SORCS2: variants seen among roughly 807,000 people sequenced by gnomAD.
SORCS2 encodes sortilin related VPS10 domain containing receptor 2.
In SORCS2, 100 loss-of-function variants were observed where a neutral mutation model predicts 141.6. The ratio of observed to expected loss-of-function variants is 0.71; its 90% CI spans 0.60 to 0.83. SORCS2 has a LOEUF of 0.83. Ranked by LOEUF, SORCS2 falls within the 40% of genes least tolerant of loss-of-function variation. The probability of loss-of-function intolerance (pLI) is 0.00; values close to 1 mark genes in which losing one functional copy is unlikely to be tolerated. For synonymous variants in SORCS2, 789 were observed against 676.9 expected, an observed-to-expected ratio of 1.17 and a Z score of -2.57; for missense variants, 1,646 against 1,560.2, an observed-to-expected ratio of 1.05 and a Z score of -0.93.
intron 3 of SORCS2, among the ~76,000 whole-genome samples, chr4:7,593,594 C>T (rs1449166065): frequency 3.3e-5 from 5 of 152,024 alleles, no homozygotes. Context: ...GCCTCAGTGG[C>T]TGCTGTGTTC....
At chr4:7,303,947 C>T (rs1192014793) in intron 1 of SORCS2, among the ~76,000 whole-genome samples, 1 of 152,260 alleles carries the variant, frequency 6.6e-6, no homozygotes, top group African/African-American at 2.4e-5. Flanking sequence ...TGCCTGTTTA[C>T]CAGGCCCTGC....
At chr4:7,366,221 C>T (rs1721875867) in intron 1 of SORCS2, among the ~76,000 whole-genome samples, 1 of 152,106 alleles carries the variant, frequency 6.6e-6, no homozygotes, top group African/African-American at 2.4e-5. Context: ...TCCCTCTCTT[C>T]CCTTTCCTCC....
chr4:7,537,106 G>T (rs770392065), intron 3 of SORCS2, among the ~76,000 whole-genome samples: 6 of 152,232 alleles, frequency 3.9e-5, no homozygotes, highest in Non-Finnish European at 5.9e-5. Flanking sequence ...GCACAGCCCG[G>T]CCCGCTTGGC....
In SORCS2 at chr4:7,570,532, C is replaced by T. The variant is rs541564322; in HGVS notation, c.648+38903C>T. On this transcript the variant is annotated intron_variant, in intron 3 of 26. Coordinates refer to ENST00000507866, the MANE Select transcript of SORCS2 (RefSeq NM_020777.3). Reference sequence around the variant, plus strand: ...CATGTCACTGTTTTCAAAGGGAAGCCAATCTGCTCCCACCTGCCTCCCACA... The same window carrying T: ...CATGTCACTGTTTTCAAAGGGAAGCTAATCTGCTCCCACCTGCCTCCCACA... Among the ~76,000 whole-genome samples the T allele has an allele frequency of 1.2e-4, 18 of 152,336 alleles. 1 individual carries two copies. Among genetic ancestry groups the T allele is most frequent in the Admixed American group, 1.1e-3 (17 of 15,308 alleles).
intron 1 of SORCS2, among the ~76,000 whole-genome samples, chr4:7,288,662 G>A (rs1240912252): frequency 6.6e-6 from 1 of 151,760 alleles, no homozygotes; most frequent in Non-Finnish European, 1.5e-5. Context: ...CTTCTTCCAA[G>A]GCCACAGTCC....
chr4:7,539,880 C>T (rs1441096500), intron 3 of SORCS2, among the ~76,000 whole-genome samples: 1 of 151,420 alleles, frequency 6.6e-6, no homozygotes, highest in African/African-American at 2.4e-5. Flanking sequence ...CATCCCCTCC[C>T]TGCTGTGGGG....
In SORCS2 at chr4:7,618,016, A is replaced by T. The variant is rs1183306373; in HGVS notation, c.649-20312A>T. 9.3e-5 allele frequency among the ~76,000 whole-genome samples: 14 copies of T among 151,334 alleles called. 1 individual carries two copies. Among genetic ancestry groups the T allele is most frequent in the Non-Finnish European group, 1.3e-4 (9 of 67,816 alleles). On this transcript the variant is annotated intron_variant, in intron 3 of 26. Coordinates refer to ENST00000507866, the MANE Select transcript of SORCS2 (RefSeq NM_020777.3). ...TCATGGCTTCAGATATTATGTCTGCACCCCCACCACTCCCCAGCCCTGATG... is the reference window on the plus strand; with the variant it reads ...TCATGGCTTCAGATATTATGTCTGCTCCCCCACCACTCCCCAGCCCTGATG...
chr4:7,614,113 C>A (rs1020837226), intron 3 of SORCS2, among the ~76,000 whole-genome samples: 2 of 150,970 alleles, frequency 1.3e-5, no homozygotes, highest in South Asian at 2.1e-4. Context: ...ATTCATCCAT[C>A]CTCTTACCCA....
rs748065964 is a variant in SORCS2, at chr4:7,728,471, C to T, written c.2982+9C>T. The T allele has an allele frequency of 1.9e-5, 30 of 1,600,226 alleles. No individual in the cohort carries two copies. In the East Asian group the frequency reaches 5.6e-4, roughly 30 times the overall value. ...CCCGGCTGCTCTCCAAGGTGTCCACCCAGAGCCTAGAGCCTCCCCAGCCCC... is the reference window on the plus strand; with the variant it reads ...CCCGGCTGCTCTCCAAGGTGTCCACTCAGAGCCTAGAGCCTCCCCAGCCCC... On this transcript the variant is annotated intron_variant, in intron 22 of 26. Transcript: ENST00000507866.
chr4:7,411,462 T>G (rs1725304363), intron 2 of SORCS2, among the ~76,000 whole-genome samples: 1 of 151,994 alleles, frequency 6.6e-6, no homozygotes. Flanking sequence ...CTTCCTTCCT[T>G]CCATTCCTCT....
intron 2 of SORCS2, among the ~76,000 whole-genome samples, chr4:7,436,899 C>T (rs1727342551): frequency 1.3e-5 from 2 of 152,168 alleles, no homozygotes; most frequent in African/African-American, 4.8e-5. Context: ...ATTGGGCATG[C>T]GTCGTGTGTG....
chr4:7,315,936 C>A (rs948485296), intron 1 of SORCS2, among the ~76,000 whole-genome samples: 18 of 152,110 alleles, frequency 1.2e-4, no homozygotes, highest in Middle Eastern at 3.2e-3. Context: ...CATTCATCCA[C>A]CCATCCATCC....
chr4:7,370,818 G>T (rs1322691851), intron 1 of SORCS2, among the ~76,000 whole-genome samples: 1 of 152,194 alleles, frequency 6.6e-6, no homozygotes, highest in Non-Finnish European at 1.5e-5. Context: ...GCACACAGGG[G>T]CCTGTGGCTT....
chr4:7,328,391 G>T lies in SORCS2; in HGVS notation c.481-67897G>T, dbSNP rs1000692423. Among the ~76,000 whole-genome samples, 18 of 152,118 alleles carry T rather than the reference G, an allele frequency of 1.2e-4. No homozygotes were observed. In the East Asian group the frequency reaches 1.7e-3, roughly 15 times the overall value. ...TGAATCCTCAGGGCTCTTCTAGGAG[G>T]CAGGAGCTGTGACCATTTCCATTTG... On this transcript the variant is annotated intron_variant, in intron 1 of 26. Coordinates refer to ENST00000507866, the MANE Select transcript of SORCS2 (RefSeq NM_020777.3).
intron 3 of SORCS2, among the ~76,000 whole-genome samples, chr4:7,533,584 A>G (rs1362751735): frequency 2.0e-5 from 3 of 152,122 alleles, no homozygotes; most frequent in Non-Finnish European, 4.4e-5. Context: ...GTCCACAGGC[A>G]CCTGGGATGT....
At chr4:7,365,578 G>A (rs1190153839) in intron 1 of SORCS2, among the ~76,000 whole-genome samples, 2 of 152,100 alleles carry the variant, frequency 1.3e-5, no homozygotes, top group African/African-American at 4.8e-5. Flanking sequence ...ACGCTGATGT[G>A]TAAAACAGAG....
intron 1 of SORCS2, among the ~76,000 whole-genome samples, chr4:7,297,977 C>T (rs1717191900): frequency 6.6e-6 from 1 of 152,228 alleles, no homozygotes; most frequent in Non-Finnish European, 1.5e-5. Flanking sequence ...CATCTGGATA[C>T]CCAGGACCCT....
At chr4:7,496,453 TCCCCGTCC>T (rs1731629081) in intron 2 of SORCS2, among the ~76,000 whole-genome samples, 1 of 58,278 alleles carries the variant, frequency 1.7e-5, no homozygotes, top group South Asian at 5.3e-4. Flanking sequence ...CCCCACCCGT[TCCCCGTCC>T]CCCGTCCCCC....
intron 3 of SORCS2, among the ~76,000 whole-genome samples, chr4:7,613,000 A>G (rs9884196): frequency 0.069 from 10,358 of 150,570 alleles, 448 homozygotes; most frequent in African/African-American, 0.11. Flanking sequence ...GCTCTCCCCA[A>G]CTGACTGCAA....
Sources: allele counts gnomAD v4.1 joint callset (sites outside exome capture counted in the v4.1 genomes callset), GRCh38; gene constraint gnomAD v4.1.1; transcripts MANE v1.5; gene names NCBI Gene and HGNC (gene_info 2026-07-23, HGNC 2026-07-21).